RNGTT: variants seen among roughly 807,000 people sequenced by gnomAD.
RNGTT encodes the protein RNA guanylyltransferase and 5'-phosphatase.
Under a neutral mutation model 79.3 loss-of-function variants are expected in RNGTT, and 33 were observed. The ratio of observed to expected loss-of-function variants is 0.42; its 90% CI spans 0.32 to 0.56. The LOEUF (loss-of-function observed/expected upper bound fraction) is 0.56, where lower values mean the gene tolerates loss of function less well. RNGTT is among the 20% of genes least tolerant of loss of function. The pLI is 0.17. For missense variants in RNGTT, 497 were observed against 739.1 expected (o/e 0.67, Z 3.80); for synonymous variants, 222 against 235.9 (o/e 0.94, Z 0.54).
chr6:88,942,869 T>C (rs1784894267), intron 1 of RNGTT, among the ~76,000 whole-genome samples: 1 of 152,208 alleles, frequency 6.6e-6, no homozygotes, highest in Non-Finnish European at 1.5e-5. Context: ...CTCAGCAACA[T>C]AAAACAACTG....
intron 6 of RNGTT, among the ~76,000 whole-genome samples, chr6:88,893,626 C>T (rs1783125799): frequency 6.6e-6 from 1 of 152,088 alleles, no homozygotes; most frequent in Non-Finnish European, 1.5e-5. Flanking sequence ...CCAATAAATA[C>T]TGAGCATCAG....
intron 4 of RNGTT, among the ~76,000 whole-genome samples, chr6:88,908,674 C>T (rs1281025292): frequency 2.6e-5 from 4 of 152,186 alleles, no homozygotes; most frequent in Non-Finnish European, 4.4e-5. Context: ...CCACAGACCA[C>T]GGTGCAGCTG....
At chr6:88,963,272 G>C (rs926683270) in intron 1 of RNGTT, 74 bp downstream of exon 1, 3 of 1,487,116 alleles carry the variant, frequency 2.0e-6, no homozygotes, top group Non-Finnish European at 2.8e-6. Flanking sequence ...ACCACCAAAA[G>C]CTGAGCTCCT....
At chr6:88,659,223 A>G (rs1774092956) in intron 14 of RNGTT, among the ~76,000 whole-genome samples, 1 of 152,190 alleles carries the variant, frequency 6.6e-6, no homozygotes, top group Non-Finnish European at 1.5e-5. Flanking sequence ...TGATTCTGGT[A>G]TGATGAAACA....
At chr6:88,760,274 G>A (rs928559883) in intron 13 of RNGTT, among the ~76,000 whole-genome samples, 3 of 152,102 alleles carry the variant, frequency 2.0e-5, no homozygotes, top group African/African-American at 7.2e-5. Context: ...GCTGAATGCA[G>A]GAAGGATGAA....
chr6:88,919,455 A>C (rs147791448), intron 4 of RNGTT, among the ~76,000 whole-genome samples: 2 of 152,166 alleles, frequency 1.3e-5, no homozygotes, highest in Non-Finnish European at 1.5e-5. Context: ...GTGACAATGT[A>C]TCTTTTTAAA....
intron 11 of RNGTT, among the ~76,000 whole-genome samples, chr6:88,842,432 T>C (rs181927172): frequency 2.0e-5 from 3 of 151,754 alleles, no homozygotes; most frequent in African/African-American, 4.8e-5. Context: ...GTAATAACAG[T>C]AGTCATATGA....
intron 2 of RNGTT, among the ~76,000 whole-genome samples, chr6:88,939,200 C>G (rs572584202): frequency 6.6e-6 from 1 of 152,170 alleles, no homozygotes; most frequent in Admixed American, 6.5e-5. Context: ...GTTTTCTAAC[C>G]CTTTTGTTCT....
chr6:88,738,284 C>T (rs193001491), intron 13 of RNGTT, among the ~76,000 whole-genome samples: 1 of 152,172 alleles, frequency 6.6e-6, no homozygotes, highest in East Asian at 1.9e-4. Context: ...TCATTAAAAA[C>T]GCGGAAAGTA....
At chr6:88,759,691 T>C (rs1371608307) in intron 13 of RNGTT, among the ~76,000 whole-genome samples, 2 of 152,172 alleles carry the variant, frequency 1.3e-5, no homozygotes, top group African/African-American at 4.8e-5. Context: ...TCAGTACCCA[T>C]TTGCTCAATC....
intron 13 of RNGTT, among the ~76,000 whole-genome samples, chr6:88,758,156 T>A (rs547546576): frequency 2.4e-4 from 37 of 152,276 alleles, no homozygotes; most frequent in African/African-American, 8.7e-4. Context: ...CAATGCTCCC[T>A]CCTCGTAAGA....
chr6:88,795,103 TA>T (rs1779552566), intron 12 of RNGTT, among the ~76,000 whole-genome samples: 1 of 152,216 alleles, frequency 6.6e-6, no homozygotes, highest in Non-Finnish European at 1.5e-5. Context: ...AAAGTGATGA[TA>T]GAGGAATAGT....
intron 13 of RNGTT, among the ~76,000 whole-genome samples, chr6:88,696,843 G>A (rs186428995): frequency 2.8e-3 from 424 of 152,180 alleles, no homozygotes; most frequent in Non-Finnish European, 4.7e-3. Context: ...AGCCGTTTCT[G>A]CAGAAAAAGA....
intron 12 of RNGTT, among the ~76,000 whole-genome samples, chr6:88,783,303 A>T (rs1343394087): frequency 6.6e-6 from 1 of 152,176 alleles, no homozygotes; most frequent in Non-Finnish European, 1.5e-5. Flanking sequence ...AAAGAGAAAT[A>T]CTGCATGATC....
intron 14 of RNGTT, among the ~76,000 whole-genome samples, chr6:88,663,113 G>C (rs181075142): frequency 6.6e-6 from 1 of 152,208 alleles, no homozygotes; most frequent in African/African-American, 2.4e-5. Context: ...TGCTTGGTGA[G>C]TGAGTGACCT....
At chr6:88,851,171 TC>T (rs1781657815) in intron 9 of RNGTT, among the ~76,000 whole-genome samples, 1 of 150,666 alleles carries the variant, frequency 6.6e-6, no homozygotes, top group African/African-American at 2.4e-5. Flanking sequence ...AAATTGTATC[TC>T]AATTTTTTTT....
intron 1 of RNGTT, among the ~76,000 whole-genome samples, chr6:88,942,640 G>A (rs1266959423): frequency 4.6e-5 from 7 of 152,000 alleles, no homozygotes; most frequent in Non-Finnish European, 1.0e-4. Context: ...CAAAATGCTG[G>A]GATTATAGGC....
At position 88,886,531 on chromosome 6, in the gene RNGTT, A is replaced by C. The variant is rs563759538; in HGVS notation, c.896+3964T>G. Among the ~76,000 whole-genome samples the C allele has an allele frequency of 1.8e-4, 28 of 152,356 alleles. No individual in the cohort carries two copies. The South Asian group carries it at 5.6e-3, about 30-fold the overall frequency. On this transcript the variant is annotated intron_variant, in intron 8 of 15. Coordinates refer to ENST00000369485, the MANE Select transcript of RNGTT (RefSeq NM_003800.5). ...GAGGAATCTGGTTAAGGGCACATGG[A>C]AATTCTTTGTACTATTTTTGGAAGA...
Position 88,614,322 on chromosome 6 carries a change from A to T in RNGTT, c.1580T>A (p.Met527Lys). ...AAAACTTTTGTCTGTTCTCTGTCTC[A>T]TGAAGACCCAGCTGTTGTTCTCAAA... is the stretch of plus-strand genomic sequence containing the variant. ...CKFENNSWVF[M>K]RQRTDKSFPN... is the part of the protein sequence containing the mutation. The change falls in exon 15 of 16, where the codon ATG (methionine) becomes AAG (lysine). Residue 527 changes from methionine (M) to lysine (K), a missense_variant. Met to Lys is a moderately conservative substitution (Grantham distance 95). Coordinates refer to ENST00000369485, the MANE Select transcript of RNGTT (RefSeq NM_003800.5). The T allele has an allele frequency of 6.2e-7, 1 of 1,613,844 alleles. No individual in the cohort carries two copies. Among genetic ancestry groups the T allele is most frequent in the Non-Finnish European group, 8.5e-7 (1 of 1,179,732 alleles).
Sources: gnomAD v4.1 joint callset for allele counts (sites outside exome capture counted in the v4.1 genomes callset) on GRCh38, gnomAD v4.1.1 for gene constraint, MANE v1.5 for transcripts, NCBI Gene and HGNC (gene_info 2026-07-23, HGNC 2026-07-21) for gene names.